Variants in ARAP2 observed in about 807,000 individuals in gnomAD.
ARAP2 encodes ArfGAP with RhoGAP domain, ankyrin repeat and PH domain 2.
In ARAP2, 148 loss-of-function variants were observed where a neutral mutation model predicts 194.5. The observed-to-expected ratio is 0.76, with a 90% CI of 0.67 to 0.87. ARAP2 has a LOEUF of 0.87. ARAP2 is among the 40% of genes least tolerant of loss of function. ARAP2 has a pLI of 0.00. For synonymous variants in ARAP2, 695 were observed against 683.5 expected (o/e 1.02, Z -0.26); for missense variants, 2,128 against 1,989.7 (o/e 1.07, Z -1.32).
intron 8 of ARAP2, among the ~76,000 whole-genome samples, chr4:36,013,945 G>A (rs1173409042): frequency 1.3e-5 from 2 of 151,954 alleles, no homozygotes; most frequent in African/African-American, 4.8e-5. Context: ...AAATTAAGTA[G>A]CAACTGGCTG....
At chr4:36,224,907 G>C (rs1271771407) in intron 2 of ARAP2, among the ~76,000 whole-genome samples, 1 of 152,142 alleles carries the variant, frequency 6.6e-6, no homozygotes, top group East Asian at 1.9e-4. Context: ...TTCTTATTCA[G>C]TGCAGCAAAC....
At chr4:36,127,793 C>T (rs1724322617) in intron 21 of ARAP2, among the ~76,000 whole-genome samples, 1 of 151,488 alleles carries the variant, frequency 6.6e-6, no homozygotes, top group Non-Finnish European at 1.5e-5. Context: ...ATGTCATATA[C>T]ATAAATTATA....
At chr4:36,158,240 T>C (rs1263695123) in intron 15 of ARAP2, among the ~76,000 whole-genome samples, 2 of 152,026 alleles carry the variant, frequency 1.3e-5, no homozygotes, top group African/African-American at 4.8e-5. Context: ...CAGATTCCCA[T>C]CATTTTTTGA....
intron 5 of ARAP2, among the ~76,000 whole-genome samples, chr4:36,026,109 T>C (rs1263270390): frequency 1.3e-5 from 2 of 152,208 alleles, no homozygotes; most frequent in East Asian, 3.8e-4. Flanking sequence ...TAAATAGTTG[T>C]TGCTAATGAA....
At chr4:36,166,318 TACTAAA>T (rs1553927233) in intron 10 of ARAP2, among the ~76,000 whole-genome samples, 2 of 152,142 alleles carry the variant, frequency 1.3e-5, no homozygotes, top group Non-Finnish European at 2.9e-5. Context: ...CTATTCTGTA[TACTAAA>T]ACTATAGAGT....
intron 6 of ARAP2, among the ~76,000 whole-genome samples, chr4:36,016,893 A>G (rs973626437): frequency 8.5e-5 from 13 of 152,088 alleles, no homozygotes; most frequent in Admixed American, 4.6e-4. Context: ...GCCTCATTCC[A>G]TTTATGGTAC....
At chr4:36,033,948 A>G (rs1719453346) in intron 5 of ARAP2, among the ~76,000 whole-genome samples, 1 of 152,064 alleles carries the variant, frequency 6.6e-6, no homozygotes, top group Admixed American at 6.6e-5. Flanking sequence ...ATTGAAAATC[A>G]GATGGTTGCA....
chr4:36,007,409 G>A, intron 9 of ARAP2, among the ~76,000 whole-genome samples: 1 of 152,204 alleles, frequency 6.6e-6, no homozygotes, highest in African/African-American at 2.4e-5. Flanking sequence ...AGAGAGAGAA[G>A]GAAGAAGAAA....
intron 15 of ARAP2, among the ~76,000 whole-genome samples, chr4:36,152,343 A>G (rs1731191036): frequency 6.6e-6 from 1 of 152,196 alleles, no homozygotes; most frequent in Admixed American, 6.5e-5. Context: ...AAAATCATGA[A>G]AAGCCACAAT....
At chr4:36,064,365 C>T (rs1395240560), downstream of ARAP2, among the ~76,000 whole-genome samples, 1 of 152,152 alleles carries the variant, frequency 6.6e-6, no homozygotes, top group Non-Finnish European at 1.5e-5. Context: ...AAAGTCTCAA[C>T]ACAGGTTCTG....
chr4:36,023,168 C>T (rs538430062), intron 5 of ARAP2, among the ~76,000 whole-genome samples: 5 of 152,264 alleles, frequency 3.3e-5, no homozygotes, highest in African/African-American at 9.6e-5. Context: ...AATGTCCTAA[C>T]TAGGCTGCCT....
chr4:36,244,573 G>T (rs1478413709), upstream of ARAP2: 2 of 150,288 alleles, frequency 1.3e-5, no homozygotes, highest in African/African-American at 2.4e-5. Flanking sequence ...GCTCAACGGC[G>T]GGGGCGGCCC....
At chr4:36,222,653 G>A (rs1448768165) in intron 2 of ARAP2, among the ~76,000 whole-genome samples, 4 of 152,048 alleles carry the variant, frequency 2.6e-5, no homozygotes, top group East Asian at 3.9e-4. Flanking sequence ...CGGGCACAAA[G>A]GAAGGAGGCA....
rs756068323 is a variant in ARAP2 at position 36,148,394 on chromosome 4, T to C, written c.3000+11A>G. ...CTCTGGATTTAGAGCAGTAACATAA[T>C]ATTTAAATACCTTGGCTATTGCCTC... On this transcript the variant is annotated intron_variant, in intron 17 of 32. Transcript: ENST00000303965. The C allele has an allele frequency of 3.1e-6, 5 of 1,602,120 alleles. No homozygotes were observed. The South Asian group carries it at 5.5e-5, about 18-fold the overall frequency.
intron 26 of ARAP2, among the ~76,000 whole-genome samples, chr4:36,109,519 T>C (rs950877476): frequency 1.5e-4 from 23 of 151,982 alleles, no homozygotes; most frequent in Non-Finnish European, 1.5e-5. Flanking sequence ...TAAAATCTTT[T>C]GTGCTATGTC....
chr4:36,077,910 C>A (rs1253199027), intron 31 of ARAP2, among the ~76,000 whole-genome samples: 1 of 152,150 alleles, frequency 6.6e-6, no homozygotes, highest in Non-Finnish European at 1.5e-5. Context: ...TGGAAGCCTG[C>A]ATGATACCCC....
chr4:36,120,112 A>G (rs1315426666), intron 23 of ARAP2, among the ~76,000 whole-genome samples: 1 of 151,580 alleles, frequency 6.6e-6, no homozygotes, highest in Non-Finnish European at 1.5e-5. Context: ...TATGAAGATA[A>G]CCATTTTATT....
At chr4:36,020,787 G>A (rs933614622) in intron 5 of ARAP2, among the ~76,000 whole-genome samples, 1 of 152,182 alleles carries the variant, frequency 6.6e-6, no homozygotes, top group Admixed American at 6.5e-5. Context: ...TTGCATGCCT[G>A]GATGGAGATG....
At chr4:36,062,524 C>T (rs1273689583), downstream of ARAP2, among the ~76,000 whole-genome samples, 1 of 152,062 alleles carries the variant, frequency 6.6e-6, no homozygotes, top group Non-Finnish European at 1.5e-5. Context: ...CAACTAAGAT[C>T]AAATGAGAGC....
Sources: allele counts gnomAD v4.1 joint callset (sites outside exome capture counted in the v4.1 genomes callset), GRCh38; gene constraint gnomAD v4.1.1; transcripts MANE v1.5; gene names NCBI Gene and HGNC (gene_info 2026-07-23, HGNC 2026-07-21).